Variants in ZFAT observed in about 807,000 individuals in gnomAD.
ZFAT encodes the protein zinc finger protein ZFAT.
A neutral mutation model predicts 117.7 loss-of-function variants in ZFAT; 64 were observed. That is an observed-to-expected ratio of 0.54 (90% CI 0.44 to 0.67). The LOEUF (loss-of-function observed/expected upper bound fraction) is 0.67, where lower values mean the gene tolerates loss of function less well. Ranked by LOEUF, ZFAT falls within the 30% of genes least tolerant of loss-of-function variation. The pLI is 0.00. For missense variants in ZFAT, 1,433 were observed against 1,584.5 expected, an observed-to-expected ratio of 0.90 and a Z score of 1.62; for synonymous variants, 679 against 615.0, an observed-to-expected ratio of 1.10 and a Z score of -1.54.
the ZFAT span, among the ~76,000 whole-genome samples, chr8:134,822,967 A>G: frequency 7.4e-4 from 113 of 152,282 alleles, 1 homozygote; most frequent in African/African-American, 2.6e-3. Flanking sequence ...GGGGAAAAAA[A>G]GGGGAACATC....
At chr8:134,818,795 A>T in the ZFAT span, among the ~76,000 whole-genome samples, 1 of 152,238 alleles carries the variant, frequency 6.6e-6, no homozygotes, top group Non-Finnish European at 1.5e-5. Flanking sequence ...TGCATGGTAC[A>T]ACACGGATGA....
chr8:134,609,701 T>C (rs190659835), intron 4 of ZFAT, among the ~76,000 whole-genome samples: 2 of 152,340 alleles, frequency 1.3e-5, no homozygotes, highest in East Asian at 1.9e-4. Context: ...GAAAAAATAT[T>C]ATACTTTGAA....
chr8:134,489,536 C>A (rs530565959), intron 15 of ZFAT, among the ~76,000 whole-genome samples: 130 of 152,302 alleles, frequency 8.5e-4, no homozygotes, highest in African/African-American at 2.9e-3. Context: ...ACAGCTCCCT[C>A]CTCAGCGTCC....
At chr8:134,735,805 G>T in the ZFAT span, among the ~76,000 whole-genome samples, 1 of 152,068 alleles carries the variant, frequency 6.6e-6, no homozygotes, top group African/African-American at 2.4e-5. Flanking sequence ...CCCAAGCAAA[G>T]CTGACCCTAT....
Position 134,651,109 on chromosome 8 carries a change from G to GA in ZFAT, c.196+6451dup, listed in dbSNP as rs1256102168. Among the ~76,000 whole-genome samples the GA allele has an allele frequency of 5.3e-5, 8 of 152,264 alleles. No homozygotes were observed. The East Asian group carries it at 1.5e-3, about 29-fold the overall frequency. ...GTTTTTAAATGGTGCACCTCCCATT[G>GA]AAAAAAGTTTGACAGTCCTTGAAAA... On this transcript the variant is annotated intron_variant, in intron 2 of 15. Transcript: ENST00000377838.
At chr8:134,532,684 T>C in intron 12 of ZFAT, 150 bp downstream of exon 12, 1 of 1,096,004 alleles carries the variant, frequency 9.1e-7, no homozygotes, top group Non-Finnish European at 1.3e-6. Context: ...ATAAGGACGA[T>C]GATGACAACA....
intron 11 of ZFAT, among the ~76,000 whole-genome samples, chr8:134,554,197 G>A (rs1328089463): frequency 6.6e-6 from 1 of 152,182 alleles, no homozygotes; most frequent in African/African-American, 2.4e-5. Flanking sequence ...TGGAGCAGGG[G>A]CAATAGGTAC....
intron 11 of ZFAT, among the ~76,000 whole-genome samples, chr8:134,562,812 T>G (rs570826875): frequency 1.3e-5 from 2 of 152,250 alleles, no homozygotes; most frequent in East Asian, 3.9e-4. Flanking sequence ...CTTCTGCACA[T>G]AAACCAGATA....
intron 15 of ZFAT, among the ~76,000 whole-genome samples, chr8:134,499,764 G>A (rs763261392): frequency 6.6e-6 from 1 of 152,262 alleles, no homozygotes; most frequent in Non-Finnish European, 1.5e-5. Context: ...AGTAGCAAGG[G>A]CTTAACTGAA....
At chr8:134,738,173 C>T in the ZFAT span, among the ~76,000 whole-genome samples, 132,606 of 152,182 alleles carry the variant, frequency 0.87, 58,023 homozygotes, top group Non-Finnish European at 0.89. Flanking sequence ...AGACCTAAAT[C>T]ATTTTGTGTG....
At chr8:134,606,996 A>C (rs576681978) in intron 5 of ZFAT, among the ~76,000 whole-genome samples, 1 of 152,330 alleles carries the variant, frequency 6.6e-6, no homozygotes, top group Admixed American at 6.5e-5. Flanking sequence ...GTATTTTACA[A>C]AGTAAAATCC....
At chr8:134,613,283 C>G (rs1341867695) in intron 3 of ZFAT, among the ~76,000 whole-genome samples, 1 of 152,200 alleles carries the variant, frequency 6.6e-6, no homozygotes, top group African/African-American at 2.4e-5. Context: ...AAAAACCAAA[C>G]GACATTCACC....
chr8:134,683,926 G>GA (rs1003259126), intron 1 of ZFAT, among the ~76,000 whole-genome samples: 1 of 151,656 alleles, frequency 6.6e-6, no homozygotes, highest in Admixed American at 6.6e-5. Context: ...TTCTGGGAAA[G>GA]AAAAAAAAGA....
intron 11 of ZFAT, among the ~76,000 whole-genome samples, chr8:134,560,066 C>T (rs1298636985): frequency 1.3e-5 from 2 of 152,144 alleles, no homozygotes; most frequent in African/African-American, 4.8e-5. Context: ...AGCATAGTTT[C>T]CTAGAATGAA....
At chr8:134,497,229 G>T (rs986962726) in intron 15 of ZFAT, among the ~76,000 whole-genome samples, 1 of 152,250 alleles carries the variant, frequency 6.6e-6, no homozygotes, top group Non-Finnish European at 1.5e-5. Flanking sequence ...GGATTTTAAA[G>T]TAAGGGTTGC....
intron 15 of ZFAT, among the ~76,000 whole-genome samples, chr8:134,484,374 T>C (rs188421622): frequency 1.2e-3 from 189 of 152,258 alleles, no homozygotes; most frequent in Non-Finnish European, 1.7e-3. Flanking sequence ...TAAGTGATGA[T>C]AAAGAGAACC....
intron 8 of ZFAT, among the ~76,000 whole-genome samples, chr8:134,588,901 G>T (rs973894241): frequency 3.9e-5 from 6 of 152,200 alleles, no homozygotes; most frequent in African/African-American, 1.4e-4. Flanking sequence ...CCGGTAACAT[G>T]GTGGTTATGT....
intron 15 of ZFAT, among the ~76,000 whole-genome samples, 171 bp downstream of exon 15, chr8:134,509,448 G>A (rs561870423): frequency 5.3e-5 from 8 of 151,990 alleles, no homozygotes; most frequent in Non-Finnish European, 1.2e-4. Context: ...TAGAGCTATT[G>A]AAGAAGCACT....
intron 2 of ZFAT, 46 bp from the exon 3 acceptor site, chr8:134,637,758 G>A (rs772396760): frequency 1.9e-6 from 3 of 1,587,988 alleles, no homozygotes; most frequent in East Asian, 2.3e-5. Flanking sequence ...TGAGACGGCA[G>A]TGCAGGGTTC....
Sources: gnomAD v4.1 joint callset for allele counts (sites outside exome capture counted in the v4.1 genomes callset) on GRCh38, gnomAD v4.1.1 for gene constraint, MANE v1.5 for transcripts, NCBI Gene and HGNC (gene_info 2026-07-23, HGNC 2026-07-21) for gene names.